The following SUN1 variants were observed in gnomAD, a reference collection of about 807,000 sequenced individuals.
SUN1 encodes SUN domain-containing protein 1.
SUN1 carries 61 observed loss-of-function variants against 103.2 expected under a neutral mutation model. That is an observed-to-expected ratio of 0.59 (90% CI 0.48 to 0.73). The LOEUF (loss-of-function observed/expected upper bound fraction) is 0.73. SUN1 is among the 30% of genes least tolerant of loss of function. The probability of loss-of-function intolerance (pLI) is 0.00; values close to 1 mark genes in which losing one functional copy is unlikely to be tolerated. For missense variants in SUN1, 1,052 were observed against 1,034.6 expected (o/e 1.02, Z -0.23); for synonymous variants, 490 against 425.7 (o/e 1.15, Z -1.86).
upstream of SUN1, chr7:831,873 A>G: frequency 4.5e-6 from 1 of 220,756 alleles, no homozygotes; most frequent in Non-Finnish European, 7.6e-6. Flanking sequence ...TTTTAGCCAG[A>G]GGAAAGTATG....
Position 852,911 on chromosome 7 carries a change from G to T in SUN1, c.1012G>T (p.Val338Leu). The T allele has an allele frequency of 1.2e-6, 2 of 1,614,030 alleles. No homozygotes were observed. The highest frequency in any genetic ancestry group is 1.7e-6 in the Non-Finnish European group (2 of 1,180,000). Residue 338 changes from valine to leucine, a missense_variant, in exon 9 of 19, where the codon GTG (valine) becomes TTG (leucine). Val to Leu is a conservative substitution (Grantham distance 32). Transcript: ENST00000401592. ...ACAGCGGGTGGATGACCCCCAGGAC[G>T]TGTTTAAACCCACGACTTCTCGCCT... ...RTQRVDDPQD[V>L]FKPTTSRLKQ... is the part of the protein sequence containing the mutation.
intron 1 of SUN1, among the ~76,000 whole-genome samples, chr7:818,945 C>T (rs1438547310): frequency 2.0e-5 from 3 of 151,864 alleles, no homozygotes; most frequent in South Asian, 2.1e-4. Flanking sequence ...CTCACCGCGA[C>T]CTCCGCCTCC....
intron 5 of SUN1, among the ~76,000 whole-genome samples, chr7:844,330 G>A (rs540817717): frequency 6.6e-6 from 1 of 152,228 alleles, no homozygotes; most frequent in Non-Finnish European, 1.5e-5. Context: ...CTTGTCCTTC[G>A]AGCTCACGTT....
At chr7:862,124 T>C (rs1832710820) in intron 15 of SUN1, among the ~76,000 whole-genome samples, 1 of 152,242 alleles carries the variant, frequency 6.6e-6, no homozygotes, top group Admixed American at 6.5e-5. Flanking sequence ...TCACGTCCGC[T>C]CAGGGAAGGT....
upstream of SUN1, among the ~76,000 whole-genome samples, chr7:831,263 T>C (rs946265497): frequency 6.9e-6 from 1 of 145,064 alleles, no homozygotes; most frequent in Middle Eastern, 3.2e-3. Flanking sequence ...AACAAGAGTT[T>C]TGAAACGTGC....
chr7:825,197 T>C (rs942145035), intron 1 of SUN1, among the ~76,000 whole-genome samples: 4 of 152,026 alleles, frequency 2.6e-5, no homozygotes, highest in African/African-American at 9.7e-5. Context: ...TAGCTGGGAC[T>C]ACAGGCGCCC....
intron 1 of SUN1, chr7:817,588 A>G (rs551714443): frequency 6.8e-7 from 1 of 1,461,742 alleles, no homozygotes; most frequent in Non-Finnish European, 9.2e-7. Flanking sequence ...AGCTGCCCAT[A>G]ATTGTGTCTT....
At chr7:849,455 G>A in intron 5 of SUN1, 1 of 1,200,746 alleles carries the variant, frequency 8.3e-7, no homozygotes, top group East Asian at 4.8e-5. Flanking sequence ...GACTTCATCA[G>A]GGTGCGAGAA....
At chr7:835,177 G>A (rs1459513675) in intron 1 of SUN1, among the ~76,000 whole-genome samples, 1 of 152,280 alleles carries the variant, frequency 6.6e-6, no homozygotes. Flanking sequence ...GGCTTCGCCA[G>A]TGATGCATGC....
chr7:825,103 G>T (rs1790312673), intron 1 of SUN1, among the ~76,000 whole-genome samples: 2 of 151,802 alleles, frequency 1.3e-5, no homozygotes, highest in Admixed American at 1.3e-4. Context: ...CGGTCACCCA[G>T]GCTGGAGTGC....
chr7:872,333 A>T, intron 17 of SUN1, 137 bp from the exon 18 acceptor site: 1 of 696,254 alleles, frequency 1.4e-6, no homozygotes. Flanking sequence ...CGTGACTGCC[A>T]TGGAGGAATG....
chr7:823,613 G>A (rs1173717210), intron 1 of SUN1, among the ~76,000 whole-genome samples: 1 of 152,204 alleles, frequency 6.6e-6, no homozygotes. Context: ...TTGCACCAGT[G>A]CCGTGTGTGC....
chr7:865,341 C>T (rs1335135585), intron 15 of SUN1, among the ~76,000 whole-genome samples: 1 of 152,118 alleles, frequency 6.6e-6, no homozygotes, highest in African/African-American at 2.4e-5. Flanking sequence ...GAACTCCTGA[C>T]CTCAAGTGAT....
intron 1 of SUN1, chr7:816,690 CCGGGCCAAGGGCACCCCGGGG>C: frequency 5.4e-6 from 1 of 185,892 alleles, no homozygotes; most frequent in Non-Finnish European, 1.1e-5. Context: ...TCCCGGCGGG[CCGGGCCAAGGGCACCCCGGGG>C]CGGGCGCCGG....
intron 5 of SUN1, among the ~76,000 whole-genome samples, chr7:849,363 C>T (rs771544524): frequency 1.3e-5 from 2 of 152,202 alleles, no homozygotes; most frequent in Admixed American, 6.5e-5. Flanking sequence ...GCCCTGTCAG[C>T]GGCATTCACC....
intron 5 of SUN1, chr7:848,591 A>T: frequency 7.4e-7 from 1 of 1,344,582 alleles, no homozygotes; most frequent in South Asian, 1.2e-5. Flanking sequence ...CGAAAGCTAT[A>T]AGTCAAAAAG....
intron 15 of SUN1, among the ~76,000 whole-genome samples, chr7:861,897 C>G (rs1262749501): frequency 6.6e-6 from 1 of 152,196 alleles, no homozygotes; most frequent in African/African-American, 2.4e-5. Flanking sequence ...TTCAGGACCT[C>G]AGAGAAATAC....
intron 5 of SUN1, among the ~76,000 whole-genome samples, chr7:846,466 G>A (rs925014411): frequency 1.9e-4 from 29 of 151,996 alleles, no homozygotes; most frequent in African/African-American, 6.5e-4. Flanking sequence ...CCAGCTACTT[G>A]GGAGGCTGAG....
chr7:865,675 A>C (rs1835901475), intron 15 of SUN1, among the ~76,000 whole-genome samples: 1 of 152,088 alleles, frequency 6.6e-6, no homozygotes, highest in Non-Finnish European at 1.5e-5. Flanking sequence ...ACCACTCTCC[A>C]TGGTGGTTGT....
Sources: gnomAD v4.1 joint callset for allele counts (sites outside exome capture counted in the v4.1 genomes callset) on GRCh38, gnomAD v4.1.1 for gene constraint, MANE v1.5 for transcripts, NCBI Gene and HGNC (gene_info 2026-07-23, HGNC 2026-07-21) for gene names.